The following CNNM4 variants were observed in gnomAD, a reference collection of about 807,000 sequenced individuals.
CNNM4 encodes the protein metal transporter CNNM4.
CNNM4 carries 32 observed loss-of-function variants against 53.7 expected under a neutral mutation model. The observed-to-expected ratio is 0.60, with a 90% CI of 0.45 to 0.80. The LOEUF (loss-of-function observed/expected upper bound fraction) is 0.80. Among genes scored for constraint, CNNM4 ranks in the 30% least tolerant of loss-of-function variants. The pLI is 0.00. For missense variants in CNNM4, 784 were observed against 1,022.0 expected (o/e 0.77, Z 3.17); for synonymous variants, 410 against 440.0 (o/e 0.93, Z 0.85).
At chr2:96,789,176 G>T (rs1400532482) in intron 1 of CNNM4, among the ~76,000 whole-genome samples, 1 of 152,164 alleles carries the variant, frequency 6.6e-6, no homozygotes, top group Admixed American at 6.5e-5. Context: ...AGCCTGGTCA[G>T]TGGGAGATAG....
At chr2:96,792,802 C>T (rs563520523) in intron 1 of CNNM4, among the ~76,000 whole-genome samples, 10 of 146,866 alleles carry the variant, frequency 6.8e-5, no homozygotes, top group Non-Finnish European at 1.4e-4. Flanking sequence ...GACTACATCT[C>T]AAAAAAAAAA....
chr2:96,780,588 C>T (rs2078965820), intron 1 of CNNM4, among the ~76,000 whole-genome samples: 1 of 152,168 alleles, frequency 6.6e-6, no homozygotes, highest in South Asian at 2.1e-4. Flanking sequence ...CCAACAGACT[C>T]TGTGTATGGG....
chr2:96,774,830 G>A (rs62152766), intron 1 of CNNM4, among the ~76,000 whole-genome samples: 10,566 of 151,748 alleles, frequency 0.07, 420 homozygotes, highest in Middle Eastern at 0.16. Context: ...TGGGTGTGAT[G>A]TGTGCCTGTA....
At chr2:96,802,471 C>T (rs1192360158) in intron 5 of CNNM4, among the ~76,000 whole-genome samples, 1 of 152,232 alleles carries the variant, frequency 6.6e-6, no homozygotes, top group Non-Finnish European at 1.5e-5. Flanking sequence ...CTTTGCTTCC[C>T]GTTCAGCTGC....
intron 5 of CNNM4, among the ~76,000 whole-genome samples, chr2:96,806,345 CTTTT>C (rs540502738): frequency 6.7e-6 from 1 of 149,292 alleles, no homozygotes; most frequent in Non-Finnish European, 1.5e-5. Context: ...ACTTCTCTCT[CTTTT>C]TTTTTTATTT....
chr2:96,779,593 A>C (rs2078955819), intron 1 of CNNM4, among the ~76,000 whole-genome samples: 1 of 151,508 alleles, frequency 6.6e-6, no homozygotes, highest in African/African-American at 2.4e-5. Flanking sequence ...TGTGGTGCAC[A>C]TGTGGGTCTC....
intron 1 of CNNM4, among the ~76,000 whole-genome samples, chr2:96,765,703 CAGTA>C (rs1268111572): frequency 3.3e-5 from 5 of 152,250 alleles, no homozygotes; most frequent in African/African-American, 1.2e-4. Context: ...GACGGGTCTC[CAGTA>C]AGTGTTGGAC....
chr2:96,776,748 G>A (rs1462963261), intron 1 of CNNM4, among the ~76,000 whole-genome samples: 1 of 152,106 alleles, frequency 6.6e-6, no homozygotes, highest in African/African-American at 2.4e-5. Context: ...GAGTAGCTGG[G>A]ATTACAGGCA....
chr2:96,801,556 C>CAGAGACCACACACAGAG lies in CNNM4; in HGVS notation c.1948+1910_1948+1926dup, dbSNP rs1371567514. Among the ~76,000 whole-genome samples the CAGAGACCACACACAGAG allele has an allele frequency of 1.7e-4, 26 of 149,388 alleles. No homozygotes were observed. The highest frequency in any genetic ancestry group is 6.2e-4 in the African/African-American group (25 of 40,302). ...CACACACAGAGAGACCACACACACA[C>CAGAGACCACACACAGAG]AGAGACCACACACAGAGATAGCACA... On this transcript the variant is annotated intron_variant, in intron 5 of 6. Coordinates refer to ENST00000377075, the MANE Select transcript of CNNM4 (RefSeq NM_020184.4). The surrounding 1 kb of genome is among the most constrained non-coding windows in gnomAD (Gnocchi z 5.6).
At chr2:96,804,332 T>TG (rs2079182973) in intron 5 of CNNM4, among the ~76,000 whole-genome samples, 1 of 149,690 alleles carries the variant, frequency 6.7e-6, no homozygotes, top group Non-Finnish European at 1.5e-5. Context: ...CGGGTTCAAG[T>TG]GATTCTCCTG....
In CNNM4 at chr2:96,801,629, CAG is replaced by C. The variant is rs1002382305; in HGVS notation, c.1948+1987_1948+1988del. Among the ~76,000 whole-genome samples, 1 of 146,730 alleles carries C rather than the reference CAG, an allele frequency of 6.8e-6. No homozygotes were observed. Among genetic ancestry groups the C allele is most frequent in the Non-Finnish European group, 1.5e-5 (1 of 66,928 alleles). On this transcript the variant is annotated intron_variant, in intron 5 of 6. Transcript: ENST00000377075. The surrounding 1 kb of genome is among the most constrained non-coding windows in gnomAD (Gnocchi z 5.6). ...AGAGACCACACACAGAGACCACACG[CAG>C]AGAGACCACACACATGCAGAGAGAC...
chr2:96,807,198 A>G (rs1230923088), intron 5 of CNNM4, among the ~76,000 whole-genome samples: 7 of 152,096 alleles, frequency 4.6e-5, no homozygotes, highest in Non-Finnish European at 8.8e-5. Flanking sequence ...TTTTGTAGAG[A>G]TGCGGTTTTG....
intron 5 of CNNM4, among the ~76,000 whole-genome samples, chr2:96,803,376 GT>G (rs1185580821): frequency 6.6e-6 from 1 of 152,158 alleles, no homozygotes; most frequent in East Asian, 1.9e-4. Flanking sequence ...AACTTTCCCT[GT>G]GTTTAAGGTT....
intron 1 of CNNM4, among the ~76,000 whole-genome samples, chr2:96,774,886 A>G (rs746850041): frequency 2.9e-5 from 4 of 138,944 alleles, no homozygotes; most frequent in Admixed American, 2.3e-4. Flanking sequence ...GCTTGAACCC[A>G]GGAGGTGGAA....
chr2:96,776,893 G>A (rs1020303271), intron 1 of CNNM4, among the ~76,000 whole-genome samples: 5 of 148,266 alleles, frequency 3.4e-5, no homozygotes, highest in East Asian at 2.0e-4. Flanking sequence ...GATTACAGGC[G>A]TGAGCCACTG....
chr2:96,797,225 G>C lies in CNNM4; in HGVS notation c.1546+70G>C. The C allele has an allele frequency of 6.2e-7, 1 of 1,600,408 alleles. No individual in the cohort carries two copies. Among genetic ancestry groups the C allele is most frequent in the Non-Finnish European group, 8.5e-7 (1 of 1,170,654 alleles). On this transcript the variant is annotated intron_variant, in intron 2 of 6. Transcript: ENST00000377075. The surrounding 1 kb of genome is among the most constrained non-coding windows in gnomAD (Gnocchi z 6.0). ...GATCGAAACTTGGTGTCCCTAGCTG[G>C]AAGGGCCATAGTGCAGGGACACAGG... is the stretch of plus-strand genomic sequence containing the variant.
chr2:96,767,220 T>C (rs1282794083), intron 1 of CNNM4, among the ~76,000 whole-genome samples: 4 of 152,126 alleles, frequency 2.6e-5, no homozygotes, highest in Admixed American at 2.6e-4. Flanking sequence ...GTGCCAGATA[T>C]CTGTGGAACC....
intron 1 of CNNM4, among the ~76,000 whole-genome samples, chr2:96,784,060 C>T (rs1487586135): frequency 1.3e-5 from 2 of 151,724 alleles, no homozygotes; most frequent in Admixed American, 6.6e-5. Context: ...CTTTTGTTAC[C>T]GATATCAGAA....
In CNNM4 at chr2:96,761,569, G is replaced by C; in HGVS notation, c.570G>C (p.Thr190=). The change falls in exon 1 of 7, where the codon ACG becomes ACC. Residue 190 remains threonine, a synonymous_variant. Transcript: ENST00000377075. This position sits in a 1 kb window ranked among gnomAD's most constrained non-coding sequence, Gnocchi z 6.0. ...TCTGGCTGCACATTCTCCTAATTAC[G>C]GTGCTGCTGGTGCTGTCGGGCATAT... The part of the protein sequence containing the change: ...LPLWLHILLI[T]VLLVLSGIFS... 1 of 1,614,122 alleles carries C rather than the reference G, an allele frequency of 6.2e-7. No homozygotes were observed. The highest frequency in any genetic ancestry group is 8.5e-7 in the Non-Finnish European group (1 of 1,180,010).
Sources: gnomAD v4.1 joint callset for allele counts (sites outside exome capture counted in the v4.1 genomes callset) on GRCh38, gnomAD v4.1.1 for gene constraint, Gnocchi (gnomAD v3.1) non-coding constraint, MANE v1.5 for transcripts, NCBI Gene and HGNC (gene_info 2026-07-23, HGNC 2026-07-21) for gene names.